TECRL: variants seen among roughly 807,000 people sequenced by gnomAD.
The protein encoded by TECRL is trans-2,3-enoyl-CoA reductase like, also known as trans-2,3-enoyl-CoA reductase-like.
A neutral mutation model predicts 52.8 loss-of-function variants in TECRL; 63 were observed. The ratio of observed to expected loss-of-function variants is 1.19; its 90% CI spans 0.97 to 1.47. The LOEUF (loss-of-function observed/expected upper bound fraction) is 1.47. Ranked by LOEUF, TECRL falls within the 40% of genes most tolerant of loss-of-function variation. The probability of loss-of-function intolerance (pLI) is 0.00; values close to 1 mark genes in which losing one functional copy is unlikely to be tolerated. For synonymous variants in TECRL, 164 were observed against 141.9 expected (o/e 1.16, Z -1.10); for missense variants, 482 against 429.6 (o/e 1.12, Z -1.08).
chr4:64,345,907 C>CAAAAAAAAAAAAAAAAA (rs777171822), intron 2 of TECRL, among the ~76,000 whole-genome samples: 786 of 23,338 alleles, frequency 0.034, 341 homozygotes, highest in Admixed American at 0.042. Flanking sequence ...GCCTCAACAG[C>CAAAAAAAAAAAAAAAAA]AAAAAAAAAA....
Position 64,373,292 on chromosome 4 carries a change from G to A in TECRL, c.286+1880C>T, listed in dbSNP as rs1300863769. Among the ~76,000 whole-genome samples, 4 of 151,654 alleles carry A rather than the reference G, an allele frequency of 2.6e-5. No individual in the cohort carries two copies. The East Asian group carries it at 7.7e-4, about 29-fold the overall frequency. On this transcript the variant is annotated intron_variant, in intron 2 of 11. Transcript: ENST00000381210. ...TCACTATTTAAGTAAAGCTGTTAAA[G>A]ATTAGTACTTACAAAGGAAAATAAA...
intron 2 of TECRL, among the ~76,000 whole-genome samples, chr4:64,346,285 C>T (rs1218223094): frequency 6.6e-6 from 1 of 152,184 alleles, no homozygotes; most frequent in Non-Finnish European, 1.5e-5. Flanking sequence ...TGGCTGTTTT[C>T]TCACAGCCCC....
At chr4:64,323,617 A>C (rs1434637768) in intron 3 of TECRL, among the ~76,000 whole-genome samples, 1 of 152,110 alleles carries the variant, frequency 6.6e-6, no homozygotes, top group Non-Finnish European at 1.5e-5. Context: ...TATTTAGGAG[A>C]CATTTAAAAT....
intron 8 of TECRL, among the ~76,000 whole-genome samples, chr4:64,295,596 AAGTT>A (rs1404772320): frequency 1.1e-4 from 16 of 151,786 alleles, no homozygotes; most frequent in African/African-American, 3.8e-4. Flanking sequence ...TTCAGAAAGA[AAGTT>A]AGTTTACATA....
At chr4:64,298,543 A>T (rs1723819270) in intron 8 of TECRL, among the ~76,000 whole-genome samples, 1 of 151,228 alleles carries the variant, frequency 6.6e-6, no homozygotes, top group Non-Finnish European at 1.5e-5. Flanking sequence ...AAAAGAAATG[A>T]CTTATTAAAA....
chr4:64,323,240 G>GA (rs1193830255), intron 3 of TECRL, among the ~76,000 whole-genome samples: 1 of 151,656 alleles, frequency 6.6e-6, no homozygotes. Context: ...CAAAAAAACA[G>GA]AAAAAAATTA....
At chr4:64,325,323 T>C (rs1718190350) in intron 3 of TECRL, among the ~76,000 whole-genome samples, 1 of 152,196 alleles carries the variant, frequency 6.6e-6, no homozygotes, top group South Asian at 2.1e-4. Flanking sequence ...CTGAGAGAAT[T>C]AAATTTATGT....
At chr4:64,406,092 A>C (rs1188842977) in intron 1 of TECRL, among the ~76,000 whole-genome samples, 1 of 151,910 alleles carries the variant, frequency 6.6e-6, no homozygotes, top group Non-Finnish European at 1.5e-5. Context: ...AATGAGAGAA[A>C]TGGGCAAAAA....
intron 3 of TECRL, among the ~76,000 whole-genome samples, chr4:64,325,111 G>A (rs934281787): frequency 3.9e-5 from 6 of 152,072 alleles, no homozygotes; most frequent in Non-Finnish European, 7.4e-5. Context: ...AGATGGAGAA[G>A]GTCAACGTCA....
chr4:64,406,737 TAACAGG>T (rs1724753624), intron 1 of TECRL, among the ~76,000 whole-genome samples: 2 of 151,992 alleles, frequency 1.3e-5, no homozygotes, highest in Admixed American at 6.6e-5. Flanking sequence ...ACAAATGATG[TAACAGG>T]GATTGAGTCC....
At chr4:64,346,564 C>T (rs910627298) in intron 2 of TECRL, among the ~76,000 whole-genome samples, 1 of 152,272 alleles carries the variant, frequency 6.6e-6, no homozygotes, top group South Asian at 2.1e-4. Flanking sequence ...TGTACATTGG[C>T]CCCTTTTAGT....
At chr4:64,357,633 A>C (rs1298303051) in intron 2 of TECRL, among the ~76,000 whole-genome samples, 1 of 151,602 alleles carries the variant, frequency 6.6e-6, no homozygotes, top group African/African-American at 2.4e-5. Flanking sequence ...AATTATGAGA[A>C]TTTTATTCAT....
intron 2 of TECRL, among the ~76,000 whole-genome samples, chr4:64,368,571 G>A (rs1721772657): frequency 3.3e-5 from 5 of 152,254 alleles, no homozygotes; most frequent in African/African-American, 1.2e-4. Context: ...TGGGATTACA[G>A]GCATGAGCCA....
At chr4:64,335,775 G>C (rs191798822) in intron 2 of TECRL, among the ~76,000 whole-genome samples, 1 of 152,218 alleles carries the variant, frequency 6.6e-6, no homozygotes, top group East Asian at 1.9e-4. Context: ...AAGAGTATTA[G>C]GAGTCCTTTT....
At chr4:64,309,244 C>A (rs1325718395) in intron 6 of TECRL, among the ~76,000 whole-genome samples, 1 of 152,088 alleles carries the variant, frequency 6.6e-6, no homozygotes, top group African/African-American at 2.4e-5. Flanking sequence ...TACAGACAAA[C>A]CTTTTTCTGA....
chr4:64,343,912 GT>G (rs1424573948), intron 2 of TECRL, among the ~76,000 whole-genome samples: 9 of 151,934 alleles, frequency 5.9e-5, no homozygotes, highest in African/African-American at 2.2e-4. Flanking sequence ...GCTTTCATTT[GT>G]AATCTATAGA....
At chr4:64,310,188 A>G (rs1054343281) in intron 5 of TECRL, among the ~76,000 whole-genome samples, 2 of 152,182 alleles carry the variant, frequency 1.3e-5, no homozygotes, top group African/African-American at 4.8e-5. Context: ...CCAGTCATAA[A>G]CTGTTATGCT....
Position 64,337,808 on chromosome 4 carries a change from C to T in TECRL, c.287-9252G>A, listed in dbSNP as rs141858361. Among the ~76,000 whole-genome samples, 816 of 152,284 alleles carry T rather than the reference C, an allele frequency of 5.4e-3. 10 individuals are homozygous for T. The highest frequency in any genetic ancestry group is 0.018 in the African/African-American group (743 of 41,564). On this transcript the variant is annotated intron_variant, in intron 2 of 11. Transcript: ENST00000381210. ...GGGCACAAACAAATAGAAGAACATTCCATGCTCATGGATAGGAAGAATCAA... is the reference window on the plus strand; with the variant it reads ...GGGCACAAACAAATAGAAGAACATTTCATGCTCATGGATAGGAAGAATCAA...
Position 64,322,755 on chromosome 4 carries a change from A to G in TECRL, c.369T>C (p.Ser123=), listed in dbSNP as rs746216781. ...PFLKDYITIQ[S]IAASSIVTLY... ...GTGTGACAATGGAGGAAGCTGCAAT[A>G]CTTTGAATGGTAATGTAGTCCTTCA... Residue 123 remains serine (S), a synonymous_variant, in exon 4 of 12, where the codon AGT becomes AGC. Coordinates refer to ENST00000381210, the MANE Select transcript of TECRL (RefSeq NM_001010874.5). The G allele has an allele frequency of 9.3e-6, 15 of 1,612,232 alleles. No homozygotes were observed. The highest frequency in any genetic ancestry group is 3.3e-5 in the Admixed American group (2 of 59,862).
Sources: allele counts gnomAD v4.1 joint callset (sites outside exome capture counted in the v4.1 genomes callset), GRCh38; gene constraint gnomAD v4.1.1; transcripts MANE v1.5; gene names NCBI Gene and HGNC (gene_info 2026-07-23, HGNC 2026-07-21).